Variants in SCFD2 observed in about 807,000 individuals in gnomAD.
SCFD2 encodes sec1 family domain containing 2, also known as sec1 family domain-containing protein 2.
SCFD2 carries 54 observed loss-of-function variants against 58.9 expected under a neutral mutation model. That is an observed-to-expected ratio of 0.92 (90% CI 0.74 to 1.15). The LOEUF is 1.15. SCFD2 is among the 50% of genes most tolerant of loss of function. The probability of loss-of-function intolerance (pLI) is 0.00; values close to 1 mark genes in which losing one functional copy is unlikely to be tolerated. For missense variants in SCFD2, 805 were observed against 836.6 expected, an observed-to-expected ratio of 0.96 and a Z score of 0.47; for synonymous variants, 321 against 335.9, an observed-to-expected ratio of 0.96 and a Z score of 0.49.
At chr4:53,117,466 GGT>G (rs1725356281) in intron 5 of SCFD2, among the ~76,000 whole-genome samples, 1 of 151,940 alleles carries the variant, frequency 6.6e-6, no homozygotes, top group Admixed American at 6.6e-5. Flanking sequence ...TATCTGTACA[GGT>G]GATCAACACT....
chr4:52,938,989 T>C (rs1371550471), intron 5 of SCFD2, among the ~76,000 whole-genome samples: 2 of 152,174 alleles, frequency 1.3e-5, no homozygotes, highest in Non-Finnish European at 2.9e-5. Context: ...GTGTCTAATT[T>C]ACCACTCCCC....
chr4:53,232,249 C>T (rs1398795440), intron 4 of SCFD2, among the ~76,000 whole-genome samples: 10 of 152,146 alleles, frequency 6.6e-5, no homozygotes, highest in East Asian at 1.9e-4. Context: ...TGCACCATCC[C>T]TATGTGGACG....
chr4:53,253,960 G>T (rs1202175790), intron 4 of SCFD2, among the ~76,000 whole-genome samples: 10 of 150,994 alleles, frequency 6.6e-5, no homozygotes, highest in African/African-American at 2.4e-4. Flanking sequence ...GATGGAGCTG[G>T]AGGTCATTAT....
intron 5 of SCFD2, among the ~76,000 whole-genome samples, chr4:53,034,121 A>G (rs1215937075): frequency 6.6e-6 from 1 of 152,248 alleles, no homozygotes. Flanking sequence ...CACCATGATC[A>G]AGTTGGCATC....
intron 5 of SCFD2, among the ~76,000 whole-genome samples, chr4:52,998,725 T>G (rs1560505858): frequency 6.6e-6 from 1 of 152,120 alleles, no homozygotes; most frequent in Non-Finnish European, 1.5e-5. Flanking sequence ...GACTGCGCAT[T>G]TACTCCTGAC....
At chr4:53,129,028 T>C (rs532402806) in intron 5 of SCFD2, among the ~76,000 whole-genome samples, 1 of 152,336 alleles carries the variant, frequency 6.6e-6, no homozygotes, top group South Asian at 2.1e-4. Context: ...ATAAAGAGTT[T>C]AGTCATTTTA....
chr4:53,160,942 G>A (rs1726834598), intron 4 of SCFD2, among the ~76,000 whole-genome samples: 1 of 151,972 alleles, frequency 6.6e-6, no homozygotes, highest in African/African-American at 2.4e-5. Flanking sequence ...TGCCACTGGA[G>A]GAAAAAATGT....
intron 8 of SCFD2, among the ~76,000 whole-genome samples, chr4:52,879,680 A>C (rs1159683503): frequency 1.3e-5 from 2 of 152,224 alleles, no homozygotes; most frequent in Non-Finnish European, 2.9e-5. Context: ...CCACATGGGC[A>C]GCCCAGCCCT....
intron 5 of SCFD2, chr4:52,945,849 G>A (rs560634010): frequency 1.9e-4 from 29 of 152,242 alleles, no homozygotes; most frequent in South Asian, 4.2e-4. Flanking sequence ...AAAGACTCAT[G>A]AGAATTTTAA....
chr4:53,340,903 A>C (rs928697859), intron 2 of SCFD2, among the ~76,000 whole-genome samples: 1 of 152,210 alleles, frequency 6.6e-6, no homozygotes, highest in Admixed American at 6.5e-5. Context: ...GAGGGTCCTG[A>C]CTGTTAGAAG....
chr4:53,220,094 T>C (rs1454286743), intron 4 of SCFD2, among the ~76,000 whole-genome samples: 1 of 152,228 alleles, frequency 6.6e-6, no homozygotes, highest in Non-Finnish European at 1.5e-5. Flanking sequence ...TCCACTCAAA[T>C]ATCACTTCTT....
chr4:53,025,095 G>GA (rs35637760), intron 5 of SCFD2, among the ~76,000 whole-genome samples: 1 of 151,842 alleles, frequency 6.6e-6, no homozygotes, highest in African/African-American at 2.4e-5. Flanking sequence ...CTATAGTTAC[G>GA]AAAAAAAGGA....
At chr4:53,081,842 C>G (rs1724157128) in intron 5 of SCFD2, among the ~76,000 whole-genome samples, 1 of 152,118 alleles carries the variant, frequency 6.6e-6, no homozygotes, top group Admixed American at 6.6e-5. Context: ...CCTCTCTTCT[C>G]TACTGCCCAC....
In SCFD2 at chr4:53,117,521, A is replaced by C. The variant is rs567823488; in HGVS notation, c.1561+27812T>G. Among the ~76,000 whole-genome samples, 470 of 152,270 alleles carry C rather than the reference A, an allele frequency of 3.1e-3. 1 individual carries two copies. The highest frequency in any genetic ancestry group is 0.01 in the African/African-American group (436 of 41,564). On this transcript the variant is annotated intron_variant, in intron 5 of 8. Coordinates refer to ENST00000401642, the MANE Select transcript of SCFD2 (RefSeq NM_152540.4). ...GAGGTGATTTAAAAAAACAAAAAAC[A>C]AAAAACACATACAGTGTTCCATACA...
rs1718393007 is a variant in SCFD2, at chr4:52,873,268, G to A, written c.*701C>T. 2.0e-5 allele frequency: 3 copies of A among 152,190 alleles called. No individual in the cohort carries two copies. The highest frequency in any genetic ancestry group is 7.2e-5 in the African/African-American group (3 of 41,448). The allele number at this position is 152,190 out of a possible 1,614,324, so 9.4% of individuals were successfully genotyped here. A position where few individuals can be genotyped will look rare whatever the true frequency, so the allele number is the denominator to read the frequency against. ...TCTTGTACTGGAGTCTTTCTTTGGA[G>A]GGGAGAAAACCTTTTATATACAGAT... is the stretch of plus-strand genomic sequence containing the variant. On this transcript the variant is annotated 3_prime_UTR_variant, in exon 9 of 9. Transcript: ENST00000401642.
intron 7 of SCFD2, among the ~76,000 whole-genome samples, chr4:52,886,776 A>G (rs1332707897): frequency 1.3e-5 from 2 of 152,258 alleles, no homozygotes; most frequent in Non-Finnish European, 1.5e-5. Context: ...AGGAAAATGT[A>G]TAACACAGTA....
chr4:52,934,293 G>GC lies in SCFD2; in HGVS notation c.1562-13424dup, dbSNP rs886602413. ...CAGCCTTAATGAACAGCCATGTGTT[G>GC]CCCCCCAAGTTGCCACAATGGTTTC... On this transcript the variant is annotated intron_variant, in intron 5 of 8. Coordinates refer to ENST00000401642, the MANE Select transcript of SCFD2 (RefSeq NM_152540.4). Among the ~76,000 whole-genome samples, 11 of 152,236 alleles carry GC rather than the reference G, an allele frequency of 7.2e-5. No individual in the cohort carries two copies. In the East Asian group the frequency reaches 2.1e-3, roughly 29 times the overall value.
chr4:53,219,513 G>A (rs909413855), intron 4 of SCFD2, among the ~76,000 whole-genome samples: 8 of 152,112 alleles, frequency 5.3e-5, no homozygotes, highest in African/African-American at 1.7e-4. Flanking sequence ...GGAGTGAACC[G>A]ATTTTCCAGG....
intron 5 of SCFD2, among the ~76,000 whole-genome samples, chr4:52,999,681 G>A (rs548935253): frequency 2.0e-4 from 31 of 152,248 alleles, no homozygotes; most frequent in African/African-American, 5.8e-4. Context: ...TGACATTCTC[G>A]TCCATTTGAC....
Sources: allele counts gnomAD v4.1 joint callset (sites outside exome capture counted in the v4.1 genomes callset), GRCh38; gene constraint gnomAD v4.1.1; transcripts MANE v1.5; gene names NCBI Gene and HGNC (gene_info 2026-07-23, HGNC 2026-07-21).